ZDHHC2: variants seen among roughly 807,000 people sequenced by gnomAD.
The protein encoded by ZDHHC2 is palmitoyltransferase ZDHHC2.
A neutral mutation model predicts 55.6 loss-of-function variants in ZDHHC2; 51 were observed. The ratio of observed to expected loss-of-function variants is 0.92; its 90% CI spans 0.73 to 1.16. The LOEUF (loss-of-function observed/expected upper bound fraction) is 1.16. Among genes scored for constraint, ZDHHC2 ranks in the 50% most tolerant of loss-of-function variants. ZDHHC2 has a pLI of 0.00. For synonymous variants in ZDHHC2, 199 were observed against 152.9 expected, an observed-to-expected ratio of 1.30 and a Z score of -2.22; for missense variants, 491 against 442.4, an observed-to-expected ratio of 1.11 and a Z score of -0.99.
At chr8:17,170,637 G>A (rs549002828) in intron 1 of ZDHHC2, among the ~76,000 whole-genome samples, 1 of 152,242 alleles carries the variant, frequency 6.6e-6, no homozygotes, top group Admixed American at 6.5e-5. Flanking sequence ...AGATGCATTG[G>A]TTTTTCTCCT....
At chr8:17,214,972 G>C (rs1258445575) in intron 10 of ZDHHC2, among the ~76,000 whole-genome samples, 1 of 152,140 alleles carries the variant, frequency 6.6e-6, no homozygotes, top group Non-Finnish European at 1.5e-5. Flanking sequence ...TGGGGCTGAA[G>C]ACTATTCTCT....
chr8:17,189,525 A>G (rs531614736), intron 3 of ZDHHC2, among the ~76,000 whole-genome samples: 98 of 152,360 alleles, frequency 6.4e-4, no homozygotes, highest in African/African-American at 2.0e-3. Flanking sequence ...AAGTGACTAA[A>G]AGTAGGGAAG....
At chr8:17,200,014 C>G (rs1368980197) in intron 6 of ZDHHC2, among the ~76,000 whole-genome samples, 2 of 152,118 alleles carry the variant, frequency 1.3e-5, no homozygotes, top group African/African-American at 4.8e-5. Flanking sequence ...CTTGGCCTCC[C>G]AAAGTGCTGG....
At chr8:17,215,399 G>A (rs941636556) in intron 11 of ZDHHC2, 50 bp downstream of exon 11, 8 of 1,442,664 alleles carry the variant, frequency 5.5e-6, no homozygotes, top group Non-Finnish European at 6.7e-6. Flanking sequence ...ATTTTTAGAA[G>A]GTAAACGTGG....
chr8:17,197,710 G>A (rs1806392686), intron 5 of ZDHHC2, 59 bp downstream of exon 5: 1 of 1,491,356 alleles, frequency 6.7e-7, no homozygotes, highest in South Asian at 1.2e-5. Flanking sequence ...TCTTCATTAT[G>A]TTTCTTTTCT....
chr8:17,198,221 A>G (rs1318522438), intron 5 of ZDHHC2, among the ~76,000 whole-genome samples, 160 bp from the exon 6 acceptor site: 1 of 152,162 alleles, frequency 6.6e-6, no homozygotes, highest in Non-Finnish European at 1.5e-5. Context: ...TTTATTTTAG[A>G]TGAGAACTTC....
In ZDHHC2 at chr8:17,191,796, T is replaced by G. The variant is rs148587566; in HGVS notation, c.253-3708T>G. Reference sequence around the variant, plus strand: ...AATAAACATGGGAGTGCAGATTATCTCTTTAACATACTTGTTTCCTTTCTT... The same window carrying G: ...AATAAACATGGGAGTGCAGATTATCGCTTTAACATACTTGTTTCCTTTCTT... On this transcript the variant is annotated intron_variant, in intron 3 of 12. Transcript: ENST00000262096. Among the ~76,000 whole-genome samples, 337 of 152,308 alleles carry G rather than the reference T, an allele frequency of 2.2e-3. 1 individual carries two copies. The highest frequency in any genetic ancestry group is 7.4e-3 in the African/African-American group (308 of 41,560).
chr8:17,193,031 C>G (rs923388328), intron 3 of ZDHHC2, among the ~76,000 whole-genome samples: 5 of 152,126 alleles, frequency 3.3e-5, no homozygotes, highest in African/African-American at 1.2e-4. Context: ...AGTCTTACGC[C>G]AGTACCGTGC....
intron 7 of ZDHHC2, among the ~76,000 whole-genome samples, 182 bp from the exon 8 acceptor site, chr8:17,207,778 A>C (rs1807175848): frequency 6.6e-6 from 1 of 151,958 alleles, no homozygotes; most frequent in Admixed American, 6.6e-5. Context: ...TATTCTCGTA[A>C]ACTTTTAACC....
intron 9 of ZDHHC2, 36 bp from the exon 10 acceptor site, chr8:17,210,352 G>T (rs1178827822): frequency 7.5e-6 from 12 of 1,589,788 alleles, no homozygotes; most frequent in South Asian, 1.1e-5. Context: ...GTTGTCTTTT[G>T]TATGGTTCAG....
Position 17,220,704 on chromosome 8 carries a change from A to G in ZDHHC2, c.*483A>G, listed in dbSNP as rs1037744640. On this transcript the variant is annotated 3_prime_UTR_variant, in exon 13 of 13. Transcript: ENST00000262096. ...TTTAAGAAGGTGGAAGTGGCAAACC[A>G]TACTTCTTTTTTTTCCTCTGATGTG... 4 of 152,156 alleles carry G rather than the reference A, an allele frequency of 2.6e-5. No individual in the cohort carries two copies. Among genetic ancestry groups the G allele is most frequent in the African/African-American group, 9.7e-5 (4 of 41,444 alleles). The allele number at this position is 152,156 out of a possible 1,614,324, so 9.4% of individuals were successfully genotyped here. A position where few individuals can be genotyped will look rare whatever the true frequency, so the allele number is the denominator to read the frequency against.
chr8:17,172,448 G>C (rs1280905126), intron 1 of ZDHHC2, among the ~76,000 whole-genome samples: 1 of 152,180 alleles, frequency 6.6e-6, no homozygotes, highest in Middle Eastern at 3.2e-3. Flanking sequence ...TGGGGAGTGG[G>C]CTGCAGTTTA....
At chr8:17,190,091 T>C (rs977560668) in intron 3 of ZDHHC2, among the ~76,000 whole-genome samples, 2 of 152,130 alleles carry the variant, frequency 1.3e-5, no homozygotes, top group African/African-American at 4.8e-5. Flanking sequence ...TTTTACGTAT[T>C]ATTCATTTAA....
chr8:17,207,458 T>C (rs1285563974), intron 7 of ZDHHC2, among the ~76,000 whole-genome samples: 1 of 152,232 alleles, frequency 6.6e-6, no homozygotes, highest in Admixed American at 6.5e-5. Flanking sequence ...ATTGTGAATG[T>C]GTTGTTATAT....
At chr8:17,166,700 A>G (rs1234857128) in intron 1 of ZDHHC2, among the ~76,000 whole-genome samples, 1 of 152,124 alleles carries the variant, frequency 6.6e-6, no homozygotes, top group African/African-American at 2.4e-5. Flanking sequence ...GCGCCCAATG[A>G]AGGGGAGGAA....
rs202039454 is a variant in ZDHHC2 at position 17,209,944 on chromosome 8, G to C, written c.743G>C (p.Ser248Thr). ...KNKSTLEAFRSPVFRHGTDKN... is the reference protein window; with the variant it reads ...KNKSTLEAFRTPVFRHGTDKN... ...CATCTTTTTTTAGAGGCATTCAGAA[G>C]TCCAGTATTTCGACATGGAACAGAT... The change falls in exon 9 of 13, where the codon AGT becomes ACT. Residue 248 changes from serine (S) to threonine (T), a missense_variant. By Grantham distance (58) the Ser-to-Thr change is moderately conservative. Coordinates refer to ENST00000262096, the MANE Select transcript of ZDHHC2 (RefSeq NM_016353.5). The C allele has an allele frequency of 1.2e-4, 200 of 1,609,182 alleles. 1 individual carries two copies. The highest frequency in any genetic ancestry group is 1.6e-4 in the Non-Finnish European group (192 of 1,177,924).
intron 6 of ZDHHC2, among the ~76,000 whole-genome samples, chr8:17,198,692 G>C: frequency 6.6e-6 from 1 of 152,172 alleles, no homozygotes; most frequent in African/African-American, 2.4e-5. Flanking sequence ...TGCATGAACA[G>C]AGATTCCAGA....
chr8:17,196,046 G>A (rs1304194922), intron 4 of ZDHHC2, among the ~76,000 whole-genome samples: 6 of 152,056 alleles, frequency 3.9e-5, no homozygotes, highest in Admixed American at 6.6e-5. Flanking sequence ...CAGTCATATA[G>A]GTGATGTAAA....
chr8:17,199,579 C>CTTCTTTCTTCTTCTTTATTCT (rs1806588640), intron 6 of ZDHHC2, among the ~76,000 whole-genome samples: 2 of 39,130 alleles, frequency 5.1e-5, no homozygotes, highest in South Asian at 8.2e-4. Context: ...TCTTTGTCTT[C>CTTCTTTCTTCTTCTTTATTCT]TTCTTCTTCT....
Sources: gnomAD v4.1 joint callset for allele counts (sites outside exome capture counted in the v4.1 genomes callset) on GRCh38, gnomAD v4.1.1 for gene constraint, MANE v1.5 for transcripts, NCBI Gene and HGNC (gene_info 2026-07-23, HGNC 2026-07-21) for gene names.